NFIB: variants seen among roughly 807,000 people sequenced by gnomAD.
NFIB encodes nuclear factor 1 B-type.
NFIB carries 11 observed loss-of-function variants against 61.5 expected under a neutral mutation model. That is an observed-to-expected ratio of 0.18 (90% CI 0.11 to 0.30). The LOEUF (loss-of-function observed/expected upper bound fraction) is 0.30, where lower values mean the gene tolerates loss of function less well. Among genes scored for constraint, NFIB ranks in the 10% least tolerant of loss-of-function variants. The pLI, the probability that NFIB is intolerant of heterozygous loss-of-function variation, is 1.00. For missense variants in NFIB, 471 were observed against 608.9 expected, an observed-to-expected ratio of 0.77 and a Z score of 2.38; for synonymous variants, 260 against 216.5, an observed-to-expected ratio of 1.20 and a Z score of -1.76.
chr9:14,447,642 G>C, the NFIB span, among the ~76,000 whole-genome samples: 2 of 152,110 alleles, frequency 1.3e-5, no homozygotes, highest in Non-Finnish European at 2.9e-5. Flanking sequence ...GTAGTTTTCT[G>C]GTTGAGAGTG....
chr9:14,125,447 C>T (rs749207133), intron 7 of NFIB, among the ~76,000 whole-genome samples, 185 bp downstream of exon 7: 6 of 152,242 alleles, frequency 3.9e-5, no homozygotes, highest in Non-Finnish European at 7.3e-5. Context: ...TGAGCCCCTG[C>T]ACCCAGAGAA....
the NFIB span, among the ~76,000 whole-genome samples, chr9:14,473,552 A>G: frequency 6.6e-6 from 1 of 152,152 alleles, no homozygotes; most frequent in Non-Finnish European, 1.5e-5. Flanking sequence ...TTGCTTCTCA[A>G]GCTTCCTCTC....
intron 6 of NFIB, among the ~76,000 whole-genome samples, chr9:14,141,890 T>G (rs1188548708): frequency 1.6e-5 from 2 of 124,902 alleles, no homozygotes; most frequent in African/African-American, 6.6e-5. Context: ...CAATAAATCT[T>G]GCTGCTGCTC....
At chr9:14,158,892 C>T (rs760634672) in intron 3 of NFIB, among the ~76,000 whole-genome samples, 1 of 152,086 alleles carries the variant, frequency 6.6e-6, no homozygotes, top group Non-Finnish European at 1.5e-5. Flanking sequence ...AGTAAGAGCC[C>T]AAAAATATTT....
chr9:14,395,726 CTTTTTTTTTTTT>C (rs35417792), intron 1 of NFIB, among the ~76,000 whole-genome samples: 23 of 65,758 alleles, frequency 3.5e-4, no homozygotes, highest in African/African-American at 9.8e-4. Context: ...ATTCTTTTGA[CTTTTTTTTTTTT>C]TTTTTTTTTT....
At chr9:14,365,419 G>T (rs907673764) in intron 1 of NFIB, among the ~76,000 whole-genome samples, 3 of 152,326 alleles carry the variant, frequency 2.0e-5, no homozygotes, top group Non-Finnish European at 4.4e-5. Context: ...ACCACCAAGT[G>T]TGGCCAGACC....
the NFIB span, among the ~76,000 whole-genome samples, chr9:14,450,121 C>A: frequency 1.3e-5 from 2 of 151,966 alleles, no homozygotes; most frequent in African/African-American, 4.8e-5. Context: ...CCTCCCCCAG[C>A]CCCCTACACT....
At chr9:14,475,728 G>GA in the NFIB span, among the ~76,000 whole-genome samples, 1 of 152,068 alleles carries the variant, frequency 6.6e-6, no homozygotes, top group African/African-American at 2.4e-5. Context: ...TTCACACAAA[G>GA]CAGGGAGCAT....
At chr9:14,147,940 C>A (rs1246231055) in intron 5 of NFIB, among the ~76,000 whole-genome samples, 1 of 151,692 alleles carries the variant, frequency 6.6e-6, no homozygotes, top group Non-Finnish European at 1.5e-5. Flanking sequence ...CTGTGCTCAG[C>A]CAAAATGATA....
intron 6 of NFIB, among the ~76,000 whole-genome samples, chr9:14,144,859 C>T (rs575580270): frequency 5.3e-5 from 8 of 152,012 alleles, no homozygotes; most frequent in Non-Finnish European, 1.0e-4. Flanking sequence ...AGGAAGGTCC[C>T]GGTTGTTGAA....
intron 1 of NFIB, among the ~76,000 whole-genome samples, chr9:14,384,308 A>G (rs2061524819): frequency 6.6e-6 from 1 of 152,166 alleles, no homozygotes; most frequent in Non-Finnish European, 1.5e-5. Context: ...TCTCCTCTAG[A>G]GGCCTTGACA....
At position 14,246,949 on chromosome 9, in the gene NFIB, G is replaced by C. The variant is rs773343053; in HGVS notation, c.562+60040C>G. 6.6e-5 allele frequency among the ~76,000 whole-genome samples: 10 copies of C among 152,086 alleles called. 1 individual carries two copies. Among genetic ancestry groups the C allele is most frequent in the African/African-American group, 2.4e-4 (10 of 41,392 alleles). On this transcript the variant is annotated intron_variant, in intron 2 of 10. Transcript: ENST00000380953. ...GGGTTTAGTATCCCTACAAAGAAGA[G>C]ATGCCAATGTGCCTGATCTCTCTCT...
chr9:14,217,136 T>A (rs1234969218), intron 2 of NFIB, among the ~76,000 whole-genome samples: 2 of 152,212 alleles, frequency 1.3e-5, no homozygotes, highest in Non-Finnish European at 2.9e-5. Context: ...ATTAATTTCC[T>A]GATGATACTT....
At chr9:14,492,338 G>C in the NFIB span, among the ~76,000 whole-genome samples, 14 of 151,816 alleles carry the variant, frequency 9.2e-5, no homozygotes, top group East Asian at 2.5e-3. Flanking sequence ...ACTCCAGCCT[G>C]GGTGACAGAG....
intron 2 of NFIB, among the ~76,000 whole-genome samples, chr9:14,248,575 T>C (rs35592082): frequency 6.6e-6 from 1 of 152,188 alleles, no homozygotes; most frequent in Non-Finnish European, 1.5e-5. Flanking sequence ...CCGGCCTCTA[T>C]TACTTTTTGT....
rs562254831 is a variant in NFIB, at chr9:14,115,907, G to T, written c.1384+301C>A. On this transcript the variant is annotated intron_variant, in intron 9 of 10. Transcript: ENST00000380953. Reference sequence around the variant, plus strand: ...TTATGTTACTCAGTGCAATTTCAATGTATACCTTGAACAAGCAGGCATGAC... The same window carrying T: ...TTATGTTACTCAGTGCAATTTCAATTTATACCTTGAACAAGCAGGCATGAC... Among the ~76,000 whole-genome samples the T allele has an allele frequency of 3.9e-5, 6 of 152,318 alleles. No homozygotes were observed. In the East Asian group the frequency reaches 1.2e-3, roughly 29 times the overall value.
In NFIB at chr9:14,113,230, C is replaced by T. The variant is rs550859040; in HGVS notation, c.1385-149G>A. On this transcript the variant is annotated intron_variant, in intron 9 of 10. Transcript: ENST00000380953. ...TCTTCTCTTTTGTCTGAGTGAACAC[C>T]AAGTGATAGAAAAGAAATAATAATT... 1.9e-4 allele frequency: 118 copies of T among 616,322 alleles called. No homozygotes were observed. In the South Asian group the frequency reaches 2.5e-3, roughly 13 times the overall value. The allele number at this position is 616,322 out of a possible 1,614,324, so 38.2% of individuals were successfully genotyped here.
the NFIB span, among the ~76,000 whole-genome samples, chr9:14,488,437 G>T: frequency 6.6e-6 from 1 of 152,024 alleles, no homozygotes; most frequent in Admixed American, 6.6e-5. Flanking sequence ...CCCAATTCTG[G>T]TTCAGTTATG....
intron 1 of NFIB, among the ~76,000 whole-genome samples, chr9:14,311,949 T>C (rs560176728): frequency 2.0e-4 from 31 of 152,322 alleles, no homozygotes; most frequent in African/African-American, 7.5e-4. Context: ...CTTTTACAAG[T>C]AAAGGCAATT....
Sources: gnomAD v4.1 joint callset for allele counts (sites outside exome capture counted in the v4.1 genomes callset) on GRCh38, gnomAD v4.1.1 for gene constraint, MANE v1.5 for transcripts, NCBI Gene and HGNC (gene_info 2026-07-23, HGNC 2026-07-21) for gene names.